MAP3K19: variants seen among roughly 807,000 people sequenced by gnomAD.
MAP3K19 encodes the protein mitogen-activated protein kinase kinase kinase 19, also known as SPS1/STE20-related protein kinase YSK4.
In MAP3K19, 91 loss-of-function variants were observed where a neutral mutation model predicts 114.4. The observed-to-expected ratio is 0.80, with a 90% CI of 0.67 to 0.95. The LOEUF (loss-of-function observed/expected upper bound fraction) is 0.95. Ranked by LOEUF, MAP3K19 falls within the 40% of genes least tolerant of loss-of-function variation. The pLI is 0.00. For synonymous variants in MAP3K19, 518 were observed against 530.5 expected (o/e 0.98, Z 0.32); for missense variants, 1,471 against 1,573.2 (o/e 0.94, Z 1.10).
chr2:135,042,960 G>A (rs1688675245), intron 1 of MAP3K19, among the ~76,000 whole-genome samples: 1 of 152,050 alleles, frequency 6.6e-6, no homozygotes, highest in Non-Finnish European at 1.5e-5. Flanking sequence ...GCGCGCACCT[G>A]TAATCCCAGC....
intron 12 of MAP3K19, among the ~76,000 whole-genome samples, chr2:134,966,999 C>G (rs1683403052): frequency 1.3e-5 from 2 of 152,202 alleles, no homozygotes; most frequent in African/African-American, 4.8e-5. Flanking sequence ...AATTTCTTTG[C>G]TGAGATGTTG....
In MAP3K19 at chr2:135,005,550, C is replaced by A. The variant is rs1686753083; in HGVS notation, c.139-19G>T. The A allele has an allele frequency of 6.3e-7, 1 of 1,587,090 alleles. No homozygotes were observed. The highest frequency in any genetic ancestry group is 1.1e-5 in the South Asian group (1 of 90,424). ...CGAACTCCTGCAATATCATAAAATTCAAAACTCAGTTATTAGTTATTCGAT... is the reference window on the plus strand; with the variant it reads ...CGAACTCCTGCAATATCATAAAATTAAAAACTCAGTTATTAGTTATTCGAT... On this transcript the variant is annotated intron_variant, in intron 5 of 12. Transcript: ENST00000392915.
At chr2:134,984,228 G>A (rs1684926906) in intron 10 of MAP3K19, among the ~76,000 whole-genome samples, 2 of 151,946 alleles carry the variant, frequency 1.3e-5, no homozygotes, top group Admixed American at 6.6e-5. Flanking sequence ...TCCCATTATC[G>A]TGGTCAGCTT....
At position 134,970,952 on chromosome 2, in the gene MAP3K19, T is replaced by C. The variant is rs531666637; in HGVS notation, c.3921-6036A>G. ...TCACTCTGGCTAGAACTTCCAATAC[T>C]ATGTTGAATAGGAGCGGTGAAAGTT... On this transcript the variant is annotated intron_variant, in intron 12 of 12. Coordinates refer to ENST00000392915, the MANE Select transcript of MAP3K19 (RefSeq NM_025052.5). Among the ~76,000 whole-genome samples, 3 of 152,326 alleles carry C rather than the reference T, an allele frequency of 2.0e-5. No homozygotes were observed. The East Asian group carries it at 5.8e-4, about 29-fold the overall frequency.
intron 2 of MAP3K19, among the ~76,000 whole-genome samples, chr2:135,034,368 T>TG (rs1425352779): frequency 1.7e-5 from 2 of 121,176 alleles, no homozygotes; most frequent in Admixed American, 8.5e-5. Flanking sequence ...AGACGATGGG[T>TG]GGCCAGGCAG....
chr2:134,991,713 T>C (rs1033570529), intron 8 of MAP3K19, 133 bp from the exon 9 acceptor site: 3 of 716,466 alleles, frequency 4.2e-6, no homozygotes, highest in Non-Finnish European at 7.2e-6. Flanking sequence ...AGGTTTCCCC[T>C]GTGGAATTCA....
chr2:134,987,325 T>C lies in MAP3K19; in HGVS notation c.1547A>G (p.His516Arg), dbSNP rs1353471825. The C allele has an allele frequency of 9.3e-6, 15 of 1,614,080 alleles. No individual in the cohort carries two copies. The highest frequency in any genetic ancestry group is 7.6e-6 in the Non-Finnish European group (9 of 1,180,014). Residue 516 changes from histidine to arginine, a missense_variant, in exon 10 of 13, where the codon CAT becomes CGT. Coordinates refer to ENST00000392915, the MANE Select transcript of MAP3K19 (RefSeq NM_025052.5). ...QTRKGTIHNN[H>R]SVNIPVHQEN... ...TTGGTGTACAGGTATGTTGACACTA[T>C]GGTTGTTATGAATGGTTCCCTTTCT...
At position 134,966,967 on chromosome 2, in the gene MAP3K19, G is replaced by A. The variant is rs773982284; in HGVS notation, c.3921-2051C>T. 1.5e-3 allele frequency among the ~76,000 whole-genome samples: 233 copies of A among 152,210 alleles called. 1 individual carries two copies. Among genetic ancestry groups the A allele is most frequent in the Non-Finnish European group, 1.5e-3 (104 of 68,004 alleles). On this transcript the variant is annotated intron_variant, in intron 12 of 12. Coordinates refer to ENST00000392915, the MANE Select transcript of MAP3K19 (RefSeq NM_025052.5). ...GGAAAGACATAAGAGACTCCATTTTGAAAAAGGCCTGTACTTTCAACAATT... is the reference window on the plus strand; with the variant it reads ...GGAAAGACATAAGAGACTCCATTTTAAAAAAGGCCTGTACTTTCAACAATT...
In MAP3K19 at chr2:134,987,398, C is replaced by A. The variant is rs756211410; in HGVS notation, c.1474G>T (p.Asp492Tyr). 5.6e-6 allele frequency: 9 copies of A among 1,614,150 alleles called. No individual in the cohort carries two copies. In the East Asian group the frequency reaches 1.8e-4, roughly 32 times the overall value. Residue 492 changes from aspartate to tyrosine, a missense_variant, in exon 10 of 13, where the codon GAT (aspartate) becomes TAT (tyrosine). By Grantham distance (160) the Asp-to-Tyr change is radical. Transcript: ENST00000392915. ...VPLIHITFPVDGSPKEPVIAK... is the reference protein window; with the variant it reads ...VPLIHITFPVYGSPKEPVIAK... ...ATCACTGGTTCCTTGGGGCTTCCAT[C>A]CACAGGGAAGGTGATGTGGATAAGA...
At chr2:134,980,746 T>C in intron 12 of MAP3K19, 75 bp downstream of exon 12, 1 of 1,374,962 alleles carries the variant, frequency 7.3e-7, no homozygotes, top group South Asian at 1.4e-5. Context: ...TAATGGGCCA[T>C]AAATTGAAAG....
At chr2:135,039,596 CA>C (rs1558747262) in intron 2 of MAP3K19, among the ~76,000 whole-genome samples, 1 of 152,094 alleles carries the variant, frequency 6.6e-6, no homozygotes, top group African/African-American at 2.4e-5. Flanking sequence ...ACAAAACAAA[CA>C]AACAAAAAAA....
intron 12 of MAP3K19, among the ~76,000 whole-genome samples, chr2:134,965,488 T>C (rs559157482): frequency 7.0e-4 from 106 of 152,328 alleles, no homozygotes; most frequent in African/African-American, 2.3e-3. Flanking sequence ...CAAAAGATTT[T>C]AGAAAGGTAT....
chr2:135,043,022 G>A (rs1437498529), intron 1 of MAP3K19, among the ~76,000 whole-genome samples: 1 of 152,134 alleles, frequency 6.6e-6, no homozygotes, highest in East Asian at 1.9e-4. Context: ...GGCACAGGTT[G>A]CAGTGAGCCG....
intron 8 of MAP3K19, among the ~76,000 whole-genome samples, chr2:134,996,271 CTTTTTTT>C (rs61265758): frequency 0.036 from 4,468 of 125,788 alleles, 89 homozygotes; most frequent in South Asian, 0.08. Flanking sequence ...CTTCTTATTT[CTTTTTTT>C]TTTTTTTTTT....
chr2:134,995,815 T>G (rs1488289935), intron 8 of MAP3K19, among the ~76,000 whole-genome samples: 1 of 152,214 alleles, frequency 6.6e-6, no homozygotes, highest in Non-Finnish European at 1.5e-5. Flanking sequence ...GCATTGCTTG[T>G]GTGTGAGGCA....
intron 3 of MAP3K19, among the ~76,000 whole-genome samples, chr2:135,027,405 GA>G (rs1285277071): frequency 7.2e-6 from 1 of 139,698 alleles, no homozygotes; most frequent in East Asian, 2.5e-4. Flanking sequence ...AGAAAAGAAA[GA>G]AAGAAAAGGA....
intron 1 of MAP3K19, among the ~76,000 whole-genome samples, chr2:135,041,721 C>T (rs1294334945): frequency 6.6e-6 from 1 of 152,176 alleles, no homozygotes; most frequent in African/African-American, 2.4e-5. Flanking sequence ...TGTATGTAGC[C>T]ACATGCTATT....
intron 2 of MAP3K19, among the ~76,000 whole-genome samples, chr2:135,032,284 G>A (rs1421336262): frequency 6.6e-6 from 1 of 151,546 alleles, no homozygotes; most frequent in East Asian, 1.9e-4. Flanking sequence ...TTGAAACCAG[G>A]GGGCAGAGGT....
intron 5 of MAP3K19, among the ~76,000 whole-genome samples, chr2:135,017,767 G>A (rs1687676106): frequency 1.3e-5 from 2 of 152,016 alleles, no homozygotes; most frequent in South Asian, 4.1e-4. Context: ...CATTCTCCAT[G>A]CTGCAAAATC....
Sources: allele counts gnomAD v4.1 joint callset (sites outside exome capture counted in the v4.1 genomes callset), GRCh38; gene constraint gnomAD v4.1.1; transcripts MANE v1.5; gene names NCBI Gene and HGNC (gene_info 2026-07-23, HGNC 2026-07-21).